HHLA1: variants seen among roughly 807,000 people sequenced by gnomAD.
HHLA1 encodes HERV-H LTR-associating protein 1.
In HHLA1, 72 loss-of-function variants were observed where a neutral mutation model predicts 69.9. The ratio of observed to expected loss-of-function variants is 1.03; its 90% CI spans 0.85 to 1.25. The LOEUF (loss-of-function observed/expected upper bound fraction) is 1.25, where lower values mean the gene tolerates loss of function less well. HHLA1 is among the 50% of genes most tolerant of loss of function. HHLA1 has a pLI of 0.00. For synonymous variants in HHLA1, 252 were observed against 233.2 expected (o/e 1.08, Z -0.73); for missense variants, 685 against 642.2 (o/e 1.07, Z -0.72).
intron 4 of HHLA1, among the ~76,000 whole-genome samples, 175 bp from the exon 5 acceptor site, chr8:132,099,137 A>C (rs183939431): frequency 9.8e-5 from 15 of 152,308 alleles, no homozygotes; most frequent in Admixed American, 9.8e-4. Flanking sequence ...CGACCTCAGG[A>C]GGTAACAGTC....
chr8:132,105,845 C>A (rs1220450040), intron 1 of HHLA1, among the ~76,000 whole-genome samples: 1 of 152,214 alleles, frequency 6.6e-6, no homozygotes, highest in Non-Finnish European at 1.5e-5. Flanking sequence ...TCAAATACAG[C>A]ATCACTTACT....
chr8:132,079,010 C>T (rs1823693867), intron 11 of HHLA1, among the ~76,000 whole-genome samples: 4 of 152,208 alleles, frequency 2.6e-5, no homozygotes, highest in Non-Finnish European at 5.9e-5. Context: ...TGTTGGTGTG[C>T]TGCACCCATT....
intron 7 of HHLA1, among the ~76,000 whole-genome samples, chr8:132,090,553 T>C (rs1255369269): frequency 6.6e-6 from 1 of 152,128 alleles, no homozygotes; most frequent in African/African-American, 2.4e-5. Context: ...ATGTGACAAT[T>C]AGTGGAATGT....
intron 8 of HHLA1, 123 bp downstream of exon 8, chr8:132,089,393 A>G: frequency 1.4e-6 from 1 of 689,780 alleles, no homozygotes; most frequent in Admixed American, 2.4e-5. Context: ...TAAAGATTAC[A>G]TGAACGTTTC....
At chr8:132,094,822 T>G (rs1201119630) in intron 7 of HHLA1, among the ~76,000 whole-genome samples, 1 of 152,214 alleles carries the variant, frequency 6.6e-6, no homozygotes, top group Non-Finnish European at 1.5e-5. Flanking sequence ...TCCCCACACC[T>G]AGAAGAGTGC....
intron 3 of HHLA1, chr8:132,101,272 C>G: frequency 6.5e-7 from 1 of 1,549,840 alleles, no homozygotes. Context: ...TATTTCCAGA[C>G]ACTGAAATAA....
In HHLA1 at chr8:132,071,326, C is replaced by G; in HGVS notation, c.1469+14G>C. On this transcript the variant is annotated intron_variant, in intron 15 of 16. Transcript: ENST00000414222. Reference sequence around the variant, plus strand: ...AAATATTCCATGTGAAAAGAAGCCACTGGGCCAAGTTACCTCATGTCCTCT... The same window carrying G: ...AAATATTCCATGTGAAAAGAAGCCAGTGGGCCAAGTTACCTCATGTCCTCT... 6.5e-7 allele frequency: 1 copy of G among 1,546,260 alleles called. No homozygotes were observed. Among genetic ancestry groups the G allele is most frequent in the Admixed American group, 2.0e-5 (1 of 49,648 alleles).
intron 11 of HHLA1, among the ~76,000 whole-genome samples, chr8:132,078,720 G>C (rs946612887): frequency 6.6e-6 from 1 of 152,160 alleles, no homozygotes; most frequent in Non-Finnish European, 1.5e-5. Flanking sequence ...AGGTCTGAGA[G>C]CTCAGGAAAG....
At chr8:132,093,477 CAA>C (rs1823975234) in intron 7 of HHLA1, among the ~76,000 whole-genome samples, 1 of 152,154 alleles carries the variant, frequency 6.6e-6, no homozygotes, top group Non-Finnish European at 1.5e-5. Context: ...AGATCATCCA[CAA>C]AGTCACCTTC....
rs1299005471 is a variant in HHLA1 at position 132,071,331 on chromosome 8, C to A, written c.1469+9G>T. The A allele has an allele frequency of 3.2e-6, 5 of 1,547,490 alleles. No homozygotes were observed. Among genetic ancestry groups the A allele is most frequent in the Middle Eastern group, 1.7e-4 (1 of 5,962 alleles). On this transcript the variant is annotated intron_variant, in intron 15 of 16. Coordinates refer to ENST00000414222, the MANE Select transcript of HHLA1 (RefSeq NM_001145095.3). ...TTCCATGTGAAAAGAAGCCACTGGGCCAAGTTACCTCATGTCCTCTGTCCT... is the reference window on the plus strand; with the variant it reads ...TTCCATGTGAAAAGAAGCCACTGGGACAAGTTACCTCATGTCCTCTGTCCT...
intron 14 of HHLA1, 45 bp downstream of exon 14, chr8:132,076,010 C>G (rs1823631806): frequency 1.4e-6 from 2 of 1,392,440 alleles, no homozygotes; most frequent in Non-Finnish European, 2.0e-6. Context: ...TGACCTTGTT[C>G]AAAATAAACA....
At chr8:132,070,439 G>C (rs1442220380) in intron 15 of HHLA1, 2 of 697,118 alleles carry the variant, frequency 2.9e-6, no homozygotes, top group Non-Finnish European at 5.2e-6. Context: ...TCGCCAGGCT[G>C]AGGGCATTTG....
At chr8:132,105,162 C>T (rs1453578448) in intron 2 of HHLA1, 25 bp downstream of exon 2, 1 of 1,519,760 alleles carries the variant, frequency 6.6e-7, no homozygotes, top group East Asian at 2.5e-5. Context: ...AGAACAGACA[C>T]TTGCAGAACT....
intron 10 of HHLA1, 137 bp from the exon 11 acceptor site, chr8:132,080,103 A>T (rs1425214172): frequency 1.6e-6 from 2 of 1,217,224 alleles, no homozygotes; most frequent in Admixed American, 4.0e-5. Context: ...GGCATTTGCT[A>T]TGTTTCCTGA....
chr8:132,072,248 T>G lies in HHLA1; in HGVS notation c.1316-755A>C, dbSNP rs186602527. On this transcript the variant is annotated intron_variant, in intron 14 of 16. Transcript: ENST00000414222. ...ATTTTTAATAAAAATTCCAACTTGTTGGGATCTGCTGAGACTCAGAAAGCT... is the reference window on the plus strand; with the variant it reads ...ATTTTTAATAAAAATTCCAACTTGTGGGGATCTGCTGAGACTCAGAAAGCT... Among the ~76,000 whole-genome samples, 5 of 152,272 alleles carry G rather than the reference T, an allele frequency of 3.3e-5. No homozygotes were observed. The East Asian group carries it at 9.6e-4, about 29-fold the overall frequency.
chr8:132,106,752 C>T lies in HHLA1; in HGVS notation c.-21-1466G>A, dbSNP rs116713638. ...TAATTCACACTCAAGGCTGGCTGTG[C>T]TAAATTCTCCACTGAGAGAGAGATG... is the stretch of plus-strand genomic sequence containing the variant. On this transcript the variant is annotated intron_variant, in intron 1 of 16. Coordinates refer to ENST00000414222, the MANE Select transcript of HHLA1 (RefSeq NM_001145095.3). 2.0e-3 allele frequency among the ~76,000 whole-genome samples: 303 copies of T among 152,282 alleles called. 1 individual carries two copies. The highest frequency in any genetic ancestry group is 6.8e-3 in the African/African-American group (283 of 41,558).
intron 13 of HHLA1, 64 bp downstream of exon 13, chr8:132,076,411 C>T: frequency 1.0e-6 from 1 of 981,076 alleles, no homozygotes; most frequent in South Asian, 1.5e-5. Context: ...CGCCCTTGTC[C>T]CCAAGCTTCC....
intron 10 of HHLA1, among the ~76,000 whole-genome samples, chr8:132,083,250 G>C (rs1823792305): frequency 6.6e-6 from 1 of 152,112 alleles, no homozygotes. Context: ...AAAAAGGAGT[G>C]CTTAAAAGAG....
At chr8:132,070,941 C>T (rs1180252610) in intron 15 of HHLA1, among the ~76,000 whole-genome samples, 1 of 151,904 alleles carries the variant, frequency 6.6e-6, no homozygotes, top group Non-Finnish European at 1.5e-5. Context: ...GTCAATTCAT[C>T]TCAACTGATC....
Sources: gnomAD v4.1 joint callset for allele counts (sites outside exome capture counted in the v4.1 genomes callset) on GRCh38, gnomAD v4.1.1 for gene constraint, MANE v1.5 for transcripts, NCBI Gene and HGNC (gene_info 2026-07-23, HGNC 2026-07-21) for gene names.